RGL1: variants seen among roughly 807,000 people sequenced by gnomAD.
RGL1 encodes ral guanine nucleotide dissociation stimulator like 1.
In RGL1, 24 loss-of-function variants were observed where a neutral mutation model predicts 95.2. The observed-to-expected ratio is 0.25, with a 90% confidence interval of 0.18 to 0.35. The LOEUF is 0.35. Among genes scored for constraint, RGL1 ranks in the 10% least tolerant of loss-of-function variants. The pLI, the probability that RGL1 is intolerant of heterozygous loss-of-function variation, is 1.00. For missense variants in RGL1, 715 were observed against 936.3 expected (o/e 0.76, Z 3.08); for synonymous variants, 329 against 344.9 (o/e 0.95, Z 0.51).
intron 1 of RGL1, among the ~76,000 whole-genome samples, chr1:183,695,570 G>T (rs572546539): frequency 6.6e-6 from 1 of 152,314 alleles, no homozygotes; most frequent in East Asian, 1.9e-4. Flanking sequence ...TCAAGTGGTT[G>T]AAGCTCTCCA....
At chr1:183,810,437 G>A (rs1479942135) in intron 2 of RGL1, among the ~76,000 whole-genome samples, 1 of 152,214 alleles carries the variant, frequency 6.6e-6, no homozygotes, top group Non-Finnish European at 1.5e-5. Context: ...TTTCTGCCCT[G>A]TGTCCAGTGT....
At chr1:183,862,478 T>C (rs1665570621) in intron 3 of RGL1, among the ~76,000 whole-genome samples, 1 of 152,254 alleles carries the variant, frequency 6.6e-6, no homozygotes, top group African/African-American at 2.4e-5. Context: ...CTAAAAGACT[T>C]CTTTGGAATA....
chr1:183,876,035 C>T (rs932932499), intron 4 of RGL1, among the ~76,000 whole-genome samples: 1 of 152,142 alleles, frequency 6.6e-6, no homozygotes, highest in Non-Finnish European at 1.5e-5. Flanking sequence ...AATCCTCATC[C>T]CACTGACTCC....
chr1:183,793,473 G>C lies in RGL1; in HGVS notation c.133-12902G>C, dbSNP rs527426260. ...TACAGCAAAGAAAACAATCCACAGA[G>C]TGAAGAGACAACCTGTAGAATATGA... On this transcript the variant is annotated intron_variant, in intron 2 of 18. Coordinates refer to the RGL1 transcript ENST00000304685. Among the ~76,000 whole-genome samples, 5 of 152,244 alleles carry C rather than the reference G, an allele frequency of 3.3e-5. No individual in the cohort carries two copies. The East Asian group carries it at 7.7e-4, about 24-fold the overall frequency.
chr1:183,836,552 G>A (rs1252662269), intron 2 of RGL1, among the ~76,000 whole-genome samples: 1 of 152,138 alleles, frequency 6.6e-6, no homozygotes, highest in East Asian at 1.9e-4. Flanking sequence ...ACAGGCGTGA[G>A]CCACTGCGCC....
intron 3 of RGL1, among the ~76,000 whole-genome samples, chr1:183,862,215 C>A (rs1386221010): frequency 6.6e-6 from 1 of 152,092 alleles, no homozygotes; most frequent in Non-Finnish European, 1.5e-5. Context: ...TGGTGGCATG[C>A]ATCTGTGGTC....
intron 1 of RGL1, among the ~76,000 whole-genome samples, chr1:183,661,921 A>T (rs1390198957): frequency 6.6e-6 from 1 of 150,392 alleles, no homozygotes; most frequent in Non-Finnish European, 1.5e-5. Context: ...CAAATCAATA[A>T]ATGTAATCCA....
rs1310515383 is a variant in RGL1 at position 183,724,975 on chromosome 1, A to ACACG, written c.-32-17148_-32-17147insGCAC. 1.3e-5 allele frequency among the ~76,000 whole-genome samples: 2 copies of ACACG among 151,578 alleles called. No homozygotes were observed. The highest frequency in any genetic ancestry group is 3.9e-4 in the East Asian group (2 of 5,136). On this transcript the variant is annotated intron_variant, in intron 1 of 18. Coordinates refer to the RGL1 transcript ENST00000304685. The surrounding 1 kb of genome is among the most constrained non-coding windows in gnomAD (Gnocchi z 4.1). ...GCTCTAGGCACCACAACACACACAC[A>ACACG]CACACACGGAGGGAAGAGGAGGAGG...
At chr1:183,679,344 C>T (rs900346042) in intron 1 of RGL1, among the ~76,000 whole-genome samples, 5 of 151,884 alleles carry the variant, frequency 3.3e-5, no homozygotes, top group African/African-American at 9.7e-5. Context: ...CCTATCAACC[C>T]GTCATCTACA....
chr1:183,877,789 A>T (rs1425830581), intron 4 of RGL1, among the ~76,000 whole-genome samples: 1 of 152,228 alleles, frequency 6.6e-6, no homozygotes, highest in Non-Finnish European at 1.5e-5. Context: ...AAATGTATAG[A>T]TCGCCAGAGT....
chr1:183,697,717 AT>A (rs1303234426), intron 1 of RGL1, among the ~76,000 whole-genome samples: 1 of 152,218 alleles, frequency 6.6e-6, no homozygotes, highest in African/African-American at 2.4e-5. Flanking sequence ...CCAAATTTGA[AT>A]TTTTAGTTGC....
At chr1:183,819,351 A>G in intron 2 of RGL1, among the ~76,000 whole-genome samples, 1 of 152,180 alleles carries the variant, frequency 6.6e-6, no homozygotes. Flanking sequence ...CACCTTTCTT[A>G]CCGGAACTCA....
At chr1:183,702,161 A>C (rs1031412405) in intron 1 of RGL1, among the ~76,000 whole-genome samples, 1 of 152,190 alleles carries the variant, frequency 6.6e-6, no homozygotes, top group African/African-American at 2.4e-5. Flanking sequence ...ATTGTTTACA[A>C]ATTCTGGTAT....
intron 1 of RGL1, among the ~76,000 whole-genome samples, chr1:183,718,851 T>G (rs953486470): frequency 6.6e-6 from 1 of 151,934 alleles, no homozygotes; most frequent in Admixed American, 6.6e-5. Context: ...AGGTGGAGGT[T>G]GCAGTGAGCC....
intron 2 of RGL1, among the ~76,000 whole-genome samples, chr1:183,772,958 G>A (rs1222392847): frequency 7.1e-6 from 1 of 140,802 alleles, no homozygotes; most frequent in Non-Finnish European, 1.5e-5. Flanking sequence ...GCAGTGAGCC[G>A]AGATTGTGCC....
At chr1:183,734,659 G>A (rs1195576838) in intron 1 of RGL1, among the ~76,000 whole-genome samples, 4 of 152,168 alleles carry the variant, frequency 2.6e-5, no homozygotes, top group Admixed American at 6.5e-5. Context: ...GTTAAAGCTG[G>A]TGTTTACAGA....
intron 2 of RGL1, among the ~76,000 whole-genome samples, chr1:183,808,697 A>G (rs944978921): frequency 2.0e-5 from 3 of 152,062 alleles, no homozygotes. Flanking sequence ...TCAGGTGAGG[A>G]AATTATTGCA....
At chr1:183,664,573 CT>C (rs5779182) in intron 1 of RGL1, among the ~76,000 whole-genome samples, 66,049 of 146,514 alleles carry the variant, frequency 0.45, 15,711 homozygotes, top group East Asian at 0.79. Flanking sequence ...AGAGGGCATA[CT>C]TTTTTTTTTT....
intron 3 of RGL1, among the ~76,000 whole-genome samples, chr1:183,849,482 A>AATTTTTTT (rs150367802): frequency 0.011 from 1,105 of 99,364 alleles, 12 homozygotes; most frequent in Non-Finnish European, 0.015. Context: ...TCCAGTTTTT[A>AATTTTTTT]GTTTTTTTTT....
Sources: gnomAD v4.1 joint callset for allele counts (sites outside exome capture counted in the v4.1 genomes callset) on GRCh38, gnomAD v4.1.1 for gene constraint, Gnocchi (gnomAD v3.1) non-coding constraint, MANE v1.5 for transcripts, NCBI Gene and HGNC (gene_info 2026-07-23, HGNC 2026-07-21) for gene names.